PRPSAP2: variants seen among roughly 807,000 people sequenced by gnomAD.
The protein encoded by PRPSAP2 is phosphoribosyl pyrophosphate synthase-associated protein 2.
A neutral mutation model predicts 40.6 loss-of-function variants in PRPSAP2; 24 were observed. The observed-to-expected ratio is 0.59, with a 90% CI of 0.43 to 0.83. PRPSAP2 has a LOEUF of 0.83. PRPSAP2 is among the 40% of genes least tolerant of loss of function. The pLI is 0.00. For synonymous variants in PRPSAP2, 149 were observed against 164.7 expected (o/e 0.90, Z 0.73); for missense variants, 292 against 465.6 (o/e 0.63, Z 3.43).
At chr17:18,861,831 A>G (rs2037042538) in intron 1 of PRPSAP2, among the ~76,000 whole-genome samples, 2 of 152,202 alleles carry the variant, frequency 1.3e-5, no homozygotes, top group Admixed American at 6.5e-5. Flanking sequence ...CTCTAAGGAG[A>G]GTACAAGAAC....
chr17:18,892,148 C>T (rs937613493), intron 8 of PRPSAP2, among the ~76,000 whole-genome samples: 3 of 152,230 alleles, frequency 2.0e-5, no homozygotes, highest in African/African-American at 4.8e-5. Context: ...AGCCACCGCA[C>T]TTGGCCAGTA....
At chr17:18,870,544 A>G (rs1436716828) in intron 4 of PRPSAP2, among the ~76,000 whole-genome samples, 1 of 152,174 alleles carries the variant, frequency 6.6e-6, no homozygotes, top group African/African-American at 2.4e-5. Context: ...ATGGTGGCTC[A>G]CACCTGTAAT....
intron 7 of PRPSAP2, among the ~76,000 whole-genome samples, chr17:18,883,265 C>T (rs920790396): frequency 6.6e-6 from 1 of 152,078 alleles, no homozygotes; most frequent in South Asian, 2.1e-4. Flanking sequence ...TGGGATAAAT[C>T]AGATGTTTAA....
At chr17:18,887,110 A>G (rs528418944) in intron 7 of PRPSAP2, among the ~76,000 whole-genome samples, 16 of 150,350 alleles carry the variant, frequency 1.1e-4, no homozygotes, top group Non-Finnish European at 2.2e-4. Flanking sequence ...CTAATTTTGT[A>G]TTTTTAGTAG....
intron 6 of PRPSAP2, among the ~76,000 whole-genome samples, chr17:18,882,256 A>G (rs1206102723): frequency 6.6e-6 from 1 of 151,994 alleles, no homozygotes; most frequent in Non-Finnish European, 1.5e-5. Context: ...TCATGCCTGT[A>G]TTCCCAGCAC....
chr17:18,865,747 T>A (rs1480797140), intron 2 of PRPSAP2, 55 bp from the exon 3 acceptor site: 1 of 1,162,472 alleles, frequency 8.6e-7, no homozygotes, highest in African/African-American at 1.6e-5. Flanking sequence ...AAAAAATTCA[T>A]TCAGGTATAT....
At chr17:18,900,223 T>C (rs2040184394) in intron 8 of PRPSAP2, among the ~76,000 whole-genome samples, 1 of 152,184 alleles carries the variant, frequency 6.6e-6, no homozygotes, top group Non-Finnish European at 1.5e-5. Context: ...GGTTTTGCCA[T>C]GTTGGCCAGG....
chr17:18,868,591 A>G (rs1205656939), intron 4 of PRPSAP2, among the ~76,000 whole-genome samples: 1 of 152,140 alleles, frequency 6.6e-6, no homozygotes, highest in Non-Finnish European at 1.5e-5. Flanking sequence ...TCTAAACTAT[A>G]AATAAACTGT....
chr17:18,863,420 A>G (rs1297632153), intron 1 of PRPSAP2, among the ~76,000 whole-genome samples: 1 of 152,042 alleles, frequency 6.6e-6, no homozygotes, highest in Non-Finnish European at 1.5e-5. Flanking sequence ...ACACATGTTT[A>G]TTGGTTGAGA....
At chr17:18,862,922 G>A (rs950999167) in intron 1 of PRPSAP2, among the ~76,000 whole-genome samples, 35 of 151,602 alleles carry the variant, frequency 2.3e-4, no homozygotes, top group Middle Eastern at 3.4e-3. Context: ...CCAGGTTCAC[G>A]CCATTTTCCT....
chr17:18,885,511 A>G (rs1432870417), intron 7 of PRPSAP2, among the ~76,000 whole-genome samples: 1 of 151,054 alleles, frequency 6.6e-6, no homozygotes, highest in African/African-American at 2.4e-5. Flanking sequence ...TCTCTCTGTC[A>G]CTCAGGCTGG....
intron 11 of PRPSAP2, 102 bp from the exon 12 acceptor site, chr17:18,930,438 G>C (rs901133339): frequency 1.2e-5 from 13 of 1,124,996 alleles, no homozygotes; most frequent in Middle Eastern, 2.3e-4. Flanking sequence ...GTGTTTTCCT[G>C]TCGTGGCAAG....
intron 9 of PRPSAP2, among the ~76,000 whole-genome samples, chr17:18,922,022 TTC>T (rs1186236425): frequency 1.3e-5 from 2 of 152,186 alleles, no homozygotes; most frequent in African/African-American, 4.8e-5. Flanking sequence ...CTTACCTCTT[TTC>T]TGTTTCTGTG....
Position 18,890,084 on chromosome 17 carries a change from T to A in PRPSAP2, c.584+207T>A, listed in dbSNP as rs138656244. Among the ~76,000 whole-genome samples the A allele has an allele frequency of 9.9e-4, 151 of 152,108 alleles. 1 individual carries two copies. Among genetic ancestry groups the A allele is most frequent in the African/African-American group, 3.6e-3 (148 of 41,566 alleles). On this transcript the variant is annotated intron_variant, in intron 8 of 11. Coordinates refer to ENST00000268835, the MANE Select transcript of PRPSAP2 (RefSeq NM_002767.4). ...CTCTCTTTTTTTTCCAATCCCACTCTATGATTGCCAGACATACTTCCTTTT... is the reference window on the plus strand; with the variant it reads ...CTCTCTTTTTTTTCCAATCCCACTCAATGATTGCCAGACATACTTCCTTTT...
At chr17:18,894,852 G>A (rs2039816354) in intron 8 of PRPSAP2, among the ~76,000 whole-genome samples, 1 of 151,944 alleles carries the variant, frequency 6.6e-6, no homozygotes, top group Non-Finnish European at 1.5e-5. Context: ...GGCTATTTTG[G>A]GTCTTTTGCC....
At chr17:18,923,097 A>G (rs2041786600) in intron 9 of PRPSAP2, among the ~76,000 whole-genome samples, 1 of 146,202 alleles carries the variant, frequency 6.8e-6, no homozygotes, top group Admixed American at 6.8e-5. Flanking sequence ...ATTTTTATTT[A>G]TTTATTTTTT....
intron 8 of PRPSAP2, among the ~76,000 whole-genome samples, chr17:18,893,197 C>T (rs1284024658): frequency 4.1e-5 from 6 of 146,494 alleles, no homozygotes; most frequent in African/African-American, 7.6e-5. Flanking sequence ...GTCTGTTGCC[C>T]AGGCTTGAGT....
chr17:18,874,850 G>A (rs914728273), intron 5 of PRPSAP2, among the ~76,000 whole-genome samples: 13 of 152,270 alleles, frequency 8.5e-5, no homozygotes, highest in Middle Eastern at 3.4e-3. Context: ...CAACTTAAAC[G>A]GCTTCTGGCT....
intron 6 of PRPSAP2, among the ~76,000 whole-genome samples, chr17:18,881,435 G>A (rs575957838): frequency 1.1e-3 from 153 of 143,950 alleles, no homozygotes; most frequent in East Asian, 2.2e-3. Context: ...ATGAGGTTTC[G>A]CCATGTTGGC....
Sources: allele counts gnomAD v4.1 joint callset (sites outside exome capture counted in the v4.1 genomes callset), GRCh38; gene constraint gnomAD v4.1.1; transcripts MANE v1.5; gene names NCBI Gene and HGNC (gene_info 2026-07-23, HGNC 2026-07-21).